RORA: variants seen among roughly 807,000 people sequenced by gnomAD.
RORA encodes RAR related orphan receptor A, also known as nuclear receptor ROR-alpha.
RORA carries 7 observed loss-of-function variants against 69.5 expected under a neutral mutation model. The observed-to-expected ratio is 0.10, with a 90% CI of 0.06 to 0.19. The LOEUF (loss-of-function observed/expected upper bound fraction) is 0.19. Among genes scored for constraint, RORA ranks in the 10% least tolerant of loss-of-function variants. RORA has a pLI of 1.00. For synonymous variants in RORA, 261 were observed against 240.8 expected (o/e 1.08, Z -0.78); for missense variants, 457 against 663.0 (o/e 0.69, Z 3.41).
At chr15:61,141,381 ATCT>A (rs1234222256) in intron 1 of RORA, among the ~76,000 whole-genome samples, 1 of 152,208 alleles carries the variant, frequency 6.6e-6, no homozygotes, top group African/African-American at 2.4e-5. Context: ...ATGTTATGTA[ATCT>A]TCTGCCCTGT....
rs965110246 is a variant in RORA at position 60,516,370 on chromosome 15, A to T, written c.283-1613T>A. Among the ~76,000 whole-genome samples, 7 of 143,220 alleles carry T rather than the reference A, an allele frequency of 4.9e-5. No homozygotes were observed. In the East Asian group the frequency reaches 1.4e-3, roughly 29 times the overall value. 94.0% of individuals were successfully genotyped at this position (143,220 alleles called of 152,430 possible). On this transcript the variant is annotated intron_variant, in intron 3 of 10. Transcript: ENST00000335670. ...CACCTTGGAGTCCCAAAGTGTTGGGATTACAGGCATGATCCACCTTTTTAT... is the reference window on the plus strand; with the variant it reads ...CACCTTGGAGTCCCAAAGTGTTGGGTTTACAGGCATGATCCACCTTTTTAT...
intron 1 of RORA, among the ~76,000 whole-genome samples, chr15:60,683,476 T>G (rs2070684308): frequency 6.6e-6 from 1 of 152,136 alleles, no homozygotes; most frequent in Admixed American, 6.6e-5. Flanking sequence ...CCCTGAAACT[T>G]TTTTCTTCTT....
chr15:60,527,939 T>C (rs966521989), intron 3 of RORA: 2 of 152,372 alleles, frequency 1.3e-5, no homozygotes, highest in Admixed American at 6.5e-5. Flanking sequence ...CCCAGCCACC[T>C]TGACTGGGAA....
chr15:61,167,792 T>C (rs2079550953), intron 1 of RORA, among the ~76,000 whole-genome samples: 1 of 152,242 alleles, frequency 6.6e-6, no homozygotes. Context: ...CGAAATCTTT[T>C]AATGTGGCAT....
intron 1 of RORA, among the ~76,000 whole-genome samples, chr15:61,007,851 TGTTATATAAAATATATAACA>T (rs1894960298): frequency 6.7e-6 from 1 of 148,870 alleles, no homozygotes; most frequent in Non-Finnish European, 1.5e-5. Flanking sequence ...ATTAGCCTAA[TGTTATATAAAATATATAACA>T]TTAGGATAAA....
At chr15:60,524,835 A>G (rs149405311) in intron 3 of RORA, among the ~76,000 whole-genome samples, 5 of 152,368 alleles carry the variant, frequency 3.3e-5, no homozygotes, top group African/African-American at 7.2e-5. Flanking sequence ...GCAATCCGCA[A>G]CAACCTACAA....
intron 2 of RORA, among the ~76,000 whole-genome samples, chr15:60,658,981 T>C (rs770421513): frequency 6.6e-6 from 1 of 152,158 alleles, no homozygotes; most frequent in Non-Finnish European, 1.5e-5. Flanking sequence ...TATTGACCCA[T>C]CCCTGACAGA....
intron 2 of RORA, among the ~76,000 whole-genome samples, chr15:60,552,682 A>G (rs1396257870): frequency 6.6e-6 from 1 of 152,224 alleles, no homozygotes; most frequent in African/African-American, 2.4e-5. Context: ...TAGTGTGGAA[A>G]CTACAGCAAG....
intron 2 of RORA, among the ~76,000 whole-genome samples, chr15:60,634,075 T>C (rs941494181): frequency 2.6e-5 from 4 of 152,070 alleles, no homozygotes; most frequent in African/African-American, 9.6e-5. Flanking sequence ...TGTTAGTATA[T>C]TCTTTAGAAA....
intron 2 of RORA, among the ~76,000 whole-genome samples, chr15:60,584,403 T>C (rs971172929): frequency 1.3e-5 from 2 of 152,210 alleles, no homozygotes; most frequent in African/African-American, 4.8e-5. Context: ...TTTCATTGCA[T>C]TGTTTGGCAT....
At chr15:60,565,589 A>G (rs2067691411) in intron 2 of RORA, among the ~76,000 whole-genome samples, 1 of 152,210 alleles carries the variant, frequency 6.6e-6, no homozygotes, top group Non-Finnish European at 1.5e-5. Flanking sequence ...AAAATTAGTG[A>G]TAAAGTTAGT....
intron 1 of RORA, among the ~76,000 whole-genome samples, chr15:61,158,058 C>A (rs1567015832): frequency 6.6e-6 from 1 of 152,150 alleles, no homozygotes; most frequent in Non-Finnish European, 1.5e-5. Flanking sequence ...ACTGACTTGT[C>A]GGAAAACTTA....
At chr15:60,704,662 T>C (rs568782172) in intron 1 of RORA, among the ~76,000 whole-genome samples, 1 of 152,238 alleles carries the variant, frequency 6.6e-6, no homozygotes, top group South Asian at 2.1e-4. Context: ...AGAAAGAACG[T>C]AGAGATAGAA....
chr15:60,711,031 A>G (rs1417390637), intron 1 of RORA, among the ~76,000 whole-genome samples: 1 of 152,136 alleles, frequency 6.6e-6, no homozygotes, highest in Non-Finnish European at 1.5e-5. Context: ...TGAGACTAGA[A>G]TTCTGGGCTT....
chr15:61,131,286 TTGTG>T lies in RORA; in HGVS notation c.166+97763_166+97766del, dbSNP rs1401781007. ...TGATTCAGCAAAATGCTTTCACTCT[TTGTG>T]TATTTATCTGTTAATAAATAAATCC... On this transcript the variant is annotated intron_variant, in intron 1 of 10. Coordinates refer to ENST00000335670, the MANE Select transcript of RORA (RefSeq NM_134261.3). This position sits in a 1 kb window ranked among gnomAD's most constrained non-coding sequence, Gnocchi z 4.2. Among the ~76,000 whole-genome samples, 6 of 152,264 alleles carry T rather than the reference TTGTG, an allele frequency of 3.9e-5. No individual in the cohort carries two copies. The highest frequency in any genetic ancestry group is 7.2e-5 in the African/African-American group (3 of 41,466).
At chr15:60,945,451 T>A (rs907446364) in intron 1 of RORA, among the ~76,000 whole-genome samples, 1 of 152,156 alleles carries the variant, frequency 6.6e-6, no homozygotes, top group Non-Finnish European at 1.5e-5. Context: ...TGTTATATCA[T>A]GGCTGCTGCA....
Position 60,489,005 on chromosome 15 carries a change from A to G in RORA, c.*8450T>C, listed in dbSNP as rs2141211993. The G allele has an allele frequency of 6.6e-6, 1 of 152,188 alleles. No individual in the cohort carries two copies. The highest frequency in any genetic ancestry group is 6.5e-5 in the Admixed American group (1 of 15,298). 9.4% of individuals were successfully genotyped at this position (152,188 alleles called of 1,614,324 possible). On this transcript the variant is annotated 3_prime_UTR_variant, in exon 11 of 11. Transcript: ENST00000335670. Reference sequence around the variant, plus strand: ...TTTTAATTGGGGCACACTTGTTATCATTTAACAATTGTCAAATGCTGACAT... The same window carrying G: ...TTTTAATTGGGGCACACTTGTTATCGTTTAACAATTGTCAAATGCTGACAT...
At chr15:60,577,239 C>G (rs959307352) in intron 2 of RORA, among the ~76,000 whole-genome samples, 3 of 152,230 alleles carry the variant, frequency 2.0e-5, no homozygotes, top group African/African-American at 7.2e-5. Flanking sequence ...AAAGCCCCTT[C>G]TATTGTTACC....
chr15:60,893,868 T>C (rs1214817952), intron 1 of RORA, among the ~76,000 whole-genome samples: 4 of 152,132 alleles, frequency 2.6e-5, no homozygotes, highest in Admixed American at 2.6e-4. Context: ...AAGTCAGACA[T>C]GCTAATGGAC....
Sources: gnomAD v4.1 joint callset for allele counts (sites outside exome capture counted in the v4.1 genomes callset) on GRCh38, gnomAD v4.1.1 for gene constraint, Gnocchi (gnomAD v3.1) non-coding constraint, MANE v1.5 for transcripts, NCBI Gene and HGNC (gene_info 2026-07-23, HGNC 2026-07-21) for gene names.